PPARGC1B: variants seen among roughly 807,000 people sequenced by gnomAD.
The protein encoded by PPARGC1B is PPARG coactivator 1 beta, also known as peroxisome proliferator-activated receptor gamma coactivator 1-beta.
PPARGC1B carries 34 observed loss-of-function variants against 101.6 expected under a neutral mutation model. The ratio of observed to expected loss-of-function variants is 0.33; its 90% CI spans 0.25 to 0.45. PPARGC1B has a LOEUF of 0.45. PPARGC1B is among the 20% of genes least tolerant of loss of function. The probability of loss-of-function intolerance (pLI) is 1.00; values close to 1 mark genes in which losing one functional copy is unlikely to be tolerated. For synonymous variants in PPARGC1B, 548 were observed against 539.3 expected, an observed-to-expected ratio of 1.02 and a Z score of -0.22; for missense variants, 1,234 against 1,317.6, an observed-to-expected ratio of 0.94 and a Z score of 0.98.
At chr5:149,765,244 C>A (rs1755866908) in intron 1 of PPARGC1B, among the ~76,000 whole-genome samples, 1 of 152,220 alleles carries the variant, frequency 6.6e-6, no homozygotes, top group Non-Finnish European at 1.5e-5. Context: ...TCATCGGGAC[C>A]TCGGTTACCA....
intron 1 of PPARGC1B, among the ~76,000 whole-genome samples, chr5:149,770,105 C>A (rs1226838634): frequency 6.6e-6 from 1 of 152,182 alleles, no homozygotes; most frequent in Admixed American, 6.5e-5. Flanking sequence ...CCTCTGTCCT[C>A]CCTCAGGGTT....
At position 149,833,050 on chromosome 5, in the gene PPARGC1B, G is replaced by C; in HGVS notation, c.977G>C (p.Arg326Pro). 1.2e-6 allele frequency: 2 copies of C among 1,613,808 alleles called. No homozygotes were observed. Among genetic ancestry groups the C allele is most frequent in the Non-Finnish European group, 1.7e-6 (2 of 1,180,010 alleles). Residue 326 changes from arginine (R) to proline (P), a missense_variant, in exon 5 of 12, where the codon CGG (arginine) becomes CCG (proline). Around this residue, in one of 3 missense-constraint regions of PPARGC1B, gnomAD observed 734 missense variants for 768.4 expected, o/e 0.96. Transcript: ENST00000309241. This position sits in a 1 kb window ranked among gnomAD's most constrained non-coding sequence, Gnocchi z 4.1. The part of the protein sequence containing the change: ...CSNPSQQVRS[R>P]PWSRHHSKAS... ...AACCCCTCCCAGCAGGTCAGATCCC[G>C]GCCCTGGTCCCGGCACCACTCCAAA...
chr5:149,780,673 A>T (rs970425859), intron 1 of PPARGC1B, among the ~76,000 whole-genome samples: 2 of 152,240 alleles, frequency 1.3e-5, no homozygotes, highest in Non-Finnish European at 2.9e-5. Context: ...ATTAATAGAA[A>T]GCTGGGGCCT....
intron 1 of PPARGC1B, among the ~76,000 whole-genome samples, chr5:149,745,441 G>A (rs1755052481): frequency 6.6e-6 from 1 of 152,152 alleles, no homozygotes; most frequent in Non-Finnish European, 1.5e-5. Context: ...AGGCCCTTAA[G>A]CTTCTCTGTC....
At chr5:149,817,221 A>G (rs1182802119) in intron 1 of PPARGC1B, among the ~76,000 whole-genome samples, 3 of 152,228 alleles carry the variant, frequency 2.0e-5, no homozygotes, top group African/African-American at 7.2e-5. Context: ...TGGGCTGGGC[A>G]CAGTGGCTGA....
At position 149,833,277 on chromosome 5, in the gene PPARGC1B, A is replaced by G. The variant is rs1304990885; in HGVS notation, c.1204A>G (p.Ser402Gly). 3.1e-6 allele frequency: 5 copies of G among 1,613,228 alleles called. No homozygotes were observed. The change falls in exon 5 of 12, where the codon AGC becomes GGC. Residue 402 changes from serine (S) to glycine (G), a missense_variant. This residue lies in a region of PPARGC1B where 734 missense variants were observed against 768.4 expected (regional missense o/e 0.96). Transcript: ENST00000309241. The surrounding 1 kb of genome is among the most constrained non-coding windows in gnomAD (Gnocchi z 4.1). ...EEVRIAASPK[S>G]TGPRPSLRPL... Reference sequence around the variant, plus strand: ...GGTAAGGATCGCAGCTTCACCCAAGAGCACCGGGCCCAGACCAAGCCTGCG... The same window carrying G: ...GGTAAGGATCGCAGCTTCACCCAAGGGCACCGGGCCCAGACCAAGCCTGCG...
At chr5:149,831,236 G>A (rs1283553388) in intron 4 of PPARGC1B, among the ~76,000 whole-genome samples, 2 of 152,146 alleles carry the variant, frequency 1.3e-5, no homozygotes, top group South Asian at 4.1e-4. Flanking sequence ...TAAATAGTTT[G>A]GATTTTTTTT....
chr5:149,809,162 GATCCATCTCTACC>G (rs1272211596), intron 1 of PPARGC1B, among the ~76,000 whole-genome samples: 22 of 122,730 alleles, frequency 1.8e-4, no homozygotes, highest in East Asian at 4.8e-4. Flanking sequence ...TAGATAGATA[GATCCATCTCTACC>G]ATAGATAGAT....
chr5:149,738,237 A>G (rs562666646), intron 1 of PPARGC1B, among the ~76,000 whole-genome samples: 1 of 151,852 alleles, frequency 6.6e-6, no homozygotes, highest in Admixed American at 6.6e-5. Context: ...TATAACAGAC[A>G]TTTAATCAGT....
intron 9 of PPARGC1B, among the ~76,000 whole-genome samples, chr5:149,841,542 A>G (rs1401726592): frequency 1.3e-5 from 2 of 152,194 alleles, no homozygotes; most frequent in Non-Finnish European, 2.9e-5. Context: ...CCAGGACAAG[A>G]AACTGTGTGT....
intron 1 of PPARGC1B, among the ~76,000 whole-genome samples, chr5:149,815,210 C>G (rs903205055): frequency 3.3e-5 from 5 of 152,058 alleles, no homozygotes; most frequent in African/African-American, 9.7e-5. Context: ...GTGCTGAAGC[C>G]CTAAACCCCC....
chr5:149,857,773 C>T (rs1242380019), downstream of PPARGC1B, among the ~76,000 whole-genome samples: 1 of 152,234 alleles, frequency 6.6e-6, no homozygotes, highest in African/African-American at 2.4e-5. Flanking sequence ...GGGAACTGTG[C>T]CAGGAACTTG....
At chr5:149,737,157 G>A (rs1031503796) in intron 1 of PPARGC1B, among the ~76,000 whole-genome samples, 6 of 152,124 alleles carry the variant, frequency 3.9e-5, no homozygotes, top group African/African-American at 9.7e-5. Flanking sequence ...TTGGAATCAC[G>A]CAGTATGTAG....
In PPARGC1B at chr5:149,830,788, A is replaced by G; in HGVS notation, c.487A>G (p.Thr163Ala). 2 of 1,614,066 alleles carry G rather than the reference A, an allele frequency of 1.2e-6. No homozygotes were observed. The highest frequency in any genetic ancestry group is 8.5e-7 in the Non-Finnish European group (1 of 1,179,946). Residue 163 changes from threonine (T) to alanine (A), a missense_variant, in exon 4 of 12, where the codon ACA becomes GCA. Coordinates refer to ENST00000309241, the MANE Select transcript of PPARGC1B (RefSeq NM_133263.4). ...TCAGCTGCAGAAGCTCCTCCTGGCC[A>G]CATCCTACCCAACATCAAGCTCTGA... is the stretch of plus-strand genomic sequence containing the variant. Reference protein sequence around the residue: ...LSLLQKLLLATSYPTSSSDTQ... With the variant: ...LSLLQKLLLAASYPTSSSDTQ...
At chr5:149,731,940 C>T (rs895698296) in intron 1 of PPARGC1B, among the ~76,000 whole-genome samples, 2 of 152,184 alleles carry the variant, frequency 1.3e-5, no homozygotes, top group African/African-American at 4.8e-5. Context: ...TGGTCGGTGG[C>T]GGGCGCGCTC....
intron 1 of PPARGC1B, among the ~76,000 whole-genome samples, chr5:149,788,085 T>G (rs1756875986): frequency 6.6e-6 from 1 of 152,132 alleles, no homozygotes; most frequent in African/African-American, 2.4e-5. Flanking sequence ...GGAATCTAAT[T>G]GAACTAAAGA....
intron 1 of PPARGC1B, among the ~76,000 whole-genome samples, chr5:149,760,406 A>G (rs1026344985): frequency 6.6e-6 from 1 of 152,250 alleles, no homozygotes; most frequent in African/African-American, 2.4e-5. Context: ...GGATTCTGCT[A>G]CTTAACATGC....
intron 1 of PPARGC1B, among the ~76,000 whole-genome samples, chr5:149,770,391 G>A (rs1353535228): frequency 2.6e-5 from 4 of 152,120 alleles, no homozygotes; most frequent in East Asian, 1.9e-4. Flanking sequence ...GTATAAAGAC[G>A]TACAGGACAT....
Position 149,852,362 on chromosome 5 carries a change from AC to A in PPARGC1B, c.*4806del, listed in dbSNP as rs1464431349. 2.6e-5 allele frequency: 4 copies of A among 152,130 alleles called. No homozygotes were observed. The highest frequency in any genetic ancestry group is 6.5e-5 in the Admixed American group (1 of 15,276). 9.4% of individuals were successfully genotyped at this position (152,130 alleles called of 1,614,324 possible). ...CACCTCTGAGAGGCTCAGATCCCCA[AC>A]CAGGAGCATTGGGAATCCATCACTC... On this transcript the variant is annotated 3_prime_UTR_variant, in exon 12 of 12. Transcript: ENST00000309241.
Sources: allele counts gnomAD v4.1 joint callset (sites outside exome capture counted in the v4.1 genomes callset), GRCh38; gene constraint gnomAD v4.1.1; regional missense constraint gnomAD v4.1.1; non-coding constraint Gnocchi (gnomAD v3.1); transcripts MANE v1.5; gene names NCBI Gene and HGNC (gene_info 2026-07-23, HGNC 2026-07-21).